The following AKAP9 variants were observed in gnomAD, a reference collection of about 807,000 sequenced individuals.
AKAP9 encodes the protein A-kinase anchoring protein 9.
In AKAP9, 311 loss-of-function variants were observed where a neutral mutation model predicts 488.5. The ratio of observed to expected loss-of-function variants is 0.64; its 90% CI spans 0.58 to 0.70. AKAP9 has a LOEUF of 0.70. AKAP9 is among the 30% of genes least tolerant of loss of function. The pLI is 0.00. For missense variants in AKAP9, 4,215 were observed against 4,374.5 expected (o/e 0.96, Z 1.03); for synonymous variants, 1,462 against 1,483.5 (o/e 0.99, Z 0.33).
chr7:92,007,041 G>A (rs1438602477), intron 8 of AKAP9, among the ~76,000 whole-genome samples: 1 of 151,934 alleles, frequency 6.6e-6, no homozygotes, highest in African/African-American at 2.4e-5. Context: ...ATGAATTCAT[G>A]AATAAAAGGG....
At chr7:91,949,347 A>G (rs1165269024) in intron 1 of AKAP9, among the ~76,000 whole-genome samples, 1 of 152,130 alleles carries the variant, frequency 6.6e-6, no homozygotes, top group African/African-American at 2.4e-5. Flanking sequence ...TGGTGAGTTG[A>G]TAACAGCATG....
At chr7:91,952,121 T>G (rs894110499) in intron 1 of AKAP9, among the ~76,000 whole-genome samples, 1 of 152,194 alleles carries the variant, frequency 6.6e-6, no homozygotes, top group Non-Finnish European at 1.5e-5. Flanking sequence ...CCTAGATAAC[T>G]TAGTATTTAC....
chr7:91,978,227 G>C (rs1795946025), intron 2 of AKAP9, among the ~76,000 whole-genome samples: 1 of 131,586 alleles, frequency 7.6e-6, no homozygotes, highest in South Asian at 2.5e-4. Context: ...GGGCAACAGA[G>C]TGAGACTCTG....
chr7:92,009,551 A>G (rs1468594802), intron 8 of AKAP9, among the ~76,000 whole-genome samples: 3 of 152,220 alleles, frequency 2.0e-5, no homozygotes, highest in Non-Finnish European at 4.4e-5. Context: ...CCAACTCTCA[A>G]CGAATATATA....
At chr7:92,051,615 G>C (rs938075768) in intron 21 of AKAP9, among the ~76,000 whole-genome samples, 4 of 152,182 alleles carry the variant, frequency 2.6e-5, no homozygotes, top group African/African-American at 9.6e-5. Flanking sequence ...CAGGTCTTGC[G>C]TCTGAAGCTG....
chr7:92,022,722 A>T (rs1198101093), intron 13 of AKAP9, 92 bp from the exon 14 acceptor site: 1 of 877,492 alleles, frequency 1.1e-6, no homozygotes. Context: ...TTTTTCAAAA[A>T]AGAATTAATA....
At chr7:92,087,389 T>C (rs150404664) in intron 37 of AKAP9, among the ~76,000 whole-genome samples, 24 of 152,280 alleles carry the variant, frequency 1.6e-4, no homozygotes, top group Non-Finnish European at 2.9e-4. Flanking sequence ...AAGATATACC[T>C]GAGATATAAA....
intron 31 of AKAP9, among the ~76,000 whole-genome samples, chr7:92,080,599 CAA>C (rs34870789): frequency 1.8e-4 from 26 of 142,240 alleles, no homozygotes; most frequent in Admixed American, 2.8e-4. Context: ...GACTCCATCT[CAA>C]AAAAAAAAAA....
rs1203595604 is a variant in AKAP9 at position 92,040,655 on chromosome 7, T to TC, written c.4693-19_4693-18insC. 6.8e-7 allele frequency: 1 copy of TC among 1,471,634 alleles called. No individual in the cohort carries two copies. Among genetic ancestry groups the TC allele is most frequent in the Non-Finnish European group, 9.2e-7 (1 of 1,083,828 alleles). The allele number at this position is 1,471,634 out of a possible 1,614,324, so 91.2% of individuals were successfully genotyped here. On this transcript the variant is annotated intron_variant, in intron 17 of 49. Transcript: ENST00000356239. The stretch of plus-strand genomic sequence containing the variant: ...GTGTTATGGTTGAATTGTTTTTTTT[T>TC]TTTTTTTTACTATTAAAGATTCATG...
Position 92,014,346 on chromosome 7 carries a change from A to C in AKAP9, c.3612+18A>C. 6.5e-7 allele frequency: 1 copy of C among 1,548,728 alleles called. No homozygotes were observed. Among genetic ancestry groups the C allele is most frequent in the Admixed American group, 1.7e-5 (1 of 59,052 alleles). On this transcript the variant is annotated intron_variant, in intron 10 of 49. Transcript: ENST00000356239. ...TTTTACAGGTAAAATGTTTAAAAGT[A>C]CTTTTATGGCCAGATGTGGTGGCTG...
intron 33 of AKAP9, among the ~76,000 whole-genome samples, chr7:92,084,318 T>TG (rs1814125836): frequency 6.6e-6 from 1 of 152,242 alleles, no homozygotes; most frequent in South Asian, 2.1e-4. Flanking sequence ...GCAATTTTAA[T>TG]GGTTTTGAAC....
At chr7:92,091,861 A>G (rs750221965) in intron 38 of AKAP9, 2 of 149,676 alleles carry the variant, frequency 1.3e-5, no homozygotes, top group Non-Finnish European at 3.0e-5. Flanking sequence ...TAAATTAAAC[A>G]TGATTGATTA....
At chr7:92,041,960 C>CG in intron 18 of AKAP9, 86 bp from the exon 19 acceptor site, 3 of 1,458,284 alleles carry the variant, frequency 2.1e-6, no homozygotes, top group South Asian at 1.2e-5. Context: ...CTGTTGGTCC[C>CG]GGGGGTTAAA....
chr7:91,950,733 C>T (rs911325537), intron 1 of AKAP9, among the ~76,000 whole-genome samples: 2 of 152,134 alleles, frequency 1.3e-5, no homozygotes, highest in African/African-American at 4.8e-5. Flanking sequence ...TCCTCTACTC[C>T]ATTTCTTGAG....
At position 92,102,166 on chromosome 7, in the gene AKAP9, A is replaced by ATAAAT. The variant is rs34819437; in HGVS notation, c.11098-428_11098-427insTAAAT. ...GTGAGACTCCGTCTCATAAATTTAAAAAAAAAATAAATAAATAAATAAATA... is the reference window on the plus strand; with the variant it reads ...GTGAGACTCCGTCTCATAAATTTAAATAAATAAAAAAATAAATAAATAAATAAATA... On this transcript the variant is annotated intron_variant, in intron 45 of 49. Transcript: ENST00000356239. Among the ~76,000 whole-genome samples the ATAAAT allele has an allele frequency of 9.4e-4, 110 of 116,790 alleles. No individual in the cohort carries two copies. The South Asian group carries it at 0.021, about 22-fold the overall frequency. 76.6% of individuals were successfully genotyped at this position (116,790 alleles called of 152,430 possible).
intron 46 of AKAP9, among the ~76,000 whole-genome samples, chr7:92,104,194 T>TTTA (rs1818127106): frequency 2.6e-5 from 3 of 116,928 alleles, no homozygotes; most frequent in Admixed American, 7.9e-5. Context: ...TTATTTATTT[T>TTTA]TTTTTTTTTT....
intron 1 of AKAP9, among the ~76,000 whole-genome samples, chr7:91,965,028 C>G (rs1278001063): frequency 6.6e-6 from 1 of 152,120 alleles, no homozygotes; most frequent in Non-Finnish European, 1.5e-5. Context: ...GTGAAATATT[C>G]AAATATTTTT....
chr7:91,991,547 C>G (rs1797755273), intron 3 of AKAP9, among the ~76,000 whole-genome samples: 1 of 151,444 alleles, frequency 6.6e-6, no homozygotes, highest in East Asian at 1.9e-4. Context: ...TCTCAGCTCA[C>G]TGCAAGTTCC....
intron 14 of AKAP9, among the ~76,000 whole-genome samples, chr7:92,025,827 T>G (rs1236888603): frequency 1.3e-5 from 2 of 152,242 alleles, no homozygotes; most frequent in Non-Finnish European, 2.9e-5. Flanking sequence ...GGAGGTAGAA[T>G]TAGATGTTTA....
Sources: allele counts gnomAD v4.1 joint callset (sites outside exome capture counted in the v4.1 genomes callset), GRCh38; gene constraint gnomAD v4.1.1; transcripts MANE v1.5; gene names NCBI Gene and HGNC (gene_info 2026-07-23, HGNC 2026-07-21).